VPS35L: variants seen among roughly 807,000 people sequenced by gnomAD.
The protein encoded by VPS35L is VPS35 endosomal protein sorting factor like.
In VPS35L, 83 loss-of-function variants were observed where a neutral mutation model predicts 133.0. The observed-to-expected ratio is 0.62, with a 90% CI of 0.52 to 0.75. The LOEUF (loss-of-function observed/expected upper bound fraction) is 0.75. Among genes scored for constraint, VPS35L ranks in the 30% least tolerant of loss-of-function variants. VPS35L has a pLI of 0.00. For synonymous variants in VPS35L, 423 were observed against 449.9 expected, an observed-to-expected ratio of 0.94 and a Z score of 0.76; for missense variants, 1,083 against 1,206.8, an observed-to-expected ratio of 0.90 and a Z score of 1.52.
chr16:19,578,492 G>A (rs1047219843), intron 5 of VPS35L: 18 of 359,480 alleles, frequency 5.0e-5, no homozygotes, highest in African/African-American at 8.6e-5. Context: ...GCTGGCCTGT[G>A]GCCTGGGGGC....
chr16:19,677,405 T>C (rs1266811418), intron 27 of VPS35L, among the ~76,000 whole-genome samples: 2 of 152,122 alleles, frequency 1.3e-5, no homozygotes, highest in Non-Finnish European at 2.9e-5. Context: ...TAATGAACCA[T>C]AGAGACCTCT....
chr16:19,615,659 C>CA (rs1199539692), intron 12 of VPS35L, among the ~76,000 whole-genome samples: 1 of 146,596 alleles, frequency 6.8e-6, no homozygotes, highest in African/African-American at 2.5e-5. Flanking sequence ...CAAAACAAAA[C>CA]AAAAAACAGA....
At chr16:19,555,829 T>A (rs1451767357) in intron 1 of VPS35L, 83 bp downstream of exon 1, 1 of 1,492,788 alleles carries the variant, frequency 6.7e-7, no homozygotes, top group African/African-American at 1.4e-5. Flanking sequence ...GAGTGTGAAT[T>A]CCTCTCTGTC....
chr16:19,656,633 T>G (rs1157067022), intron 26 of VPS35L, among the ~76,000 whole-genome samples: 1 of 151,896 alleles, frequency 6.6e-6, no homozygotes, highest in Non-Finnish European at 1.5e-5. Flanking sequence ...ACCTATCTGT[T>G]GAGTGTTAAA....
chr16:19,566,277 C>G (rs1249368827), intron 2 of VPS35L, among the ~76,000 whole-genome samples: 6 of 152,154 alleles, frequency 3.9e-5, no homozygotes, highest in Non-Finnish European at 7.3e-5. Context: ...GGGTGGATCA[C>G]CTGAGGTCAG....
At chr16:19,667,732 T>C (rs1974740979) in intron 26 of VPS35L, among the ~76,000 whole-genome samples, 1 of 139,280 alleles carries the variant, frequency 7.2e-6, no homozygotes, top group Non-Finnish European at 1.5e-5. Context: ...AGACCCTGTC[T>C]GGAAAAAAAA....
intron 28 of VPS35L, among the ~76,000 whole-genome samples, chr16:19,690,333 G>A (rs1009880677): frequency 6.6e-6 from 1 of 152,216 alleles, no homozygotes; most frequent in African/African-American, 2.4e-5. Flanking sequence ...GGGAAGGAGG[G>A]AGGGAGGAGG....
intron 22 of VPS35L, among the ~76,000 whole-genome samples, chr16:19,643,349 T>C (rs1973843148): frequency 6.6e-6 from 1 of 152,178 alleles, no homozygotes; most frequent in South Asian, 2.1e-4. Flanking sequence ...TTCTCTCTTG[T>C]TAAAATTGTG....
chr16:19,672,116 A>AT (rs1390683774), intron 27 of VPS35L, among the ~76,000 whole-genome samples: 1 of 151,442 alleles, frequency 6.6e-6, no homozygotes, highest in Non-Finnish European at 1.5e-5. Flanking sequence ...CGCCTGGCTA[A>AT]TTTTTTTTTA....
intron 12 of VPS35L, 191 bp downstream of exon 12, chr16:19,610,606 T>C (rs913955642): frequency 4.6e-6 from 2 of 431,866 alleles, no homozygotes. Flanking sequence ...AATTTTAAAG[T>C]AGACCAACTT....
chr16:19,609,533 T>C (rs1380717111), intron 11 of VPS35L, among the ~76,000 whole-genome samples: 1 of 152,176 alleles, frequency 6.6e-6, no homozygotes, highest in Non-Finnish European at 1.5e-5. Flanking sequence ...GTGGCTTAGG[T>C]CCATGCCACT....
intron 29 of VPS35L, among the ~76,000 whole-genome samples, chr16:19,691,677 G>T (rs376534566): frequency 9.2e-5 from 14 of 152,134 alleles, no homozygotes; most frequent in African/African-American, 3.4e-4. Context: ...TCCCCTGGCT[G>T]TTCCTTCTCG....
intron 28 of VPS35L, among the ~76,000 whole-genome samples, chr16:19,687,535 G>A (rs1975505146): frequency 6.6e-6 from 1 of 152,194 alleles, no homozygotes; most frequent in African/African-American, 2.4e-5. Context: ...CCAACCTGGT[G>A]TCAGACGAGC....
intron 27 of VPS35L, among the ~76,000 whole-genome samples, chr16:19,674,450 C>T (rs1974992350): frequency 6.6e-6 from 1 of 151,902 alleles, no homozygotes; most frequent in Admixed American, 6.6e-5. Context: ...CCTGCCTTGG[C>T]CTCCCAAAGT....
At chr16:19,681,242 A>G (rs887861155) in intron 27 of VPS35L, among the ~76,000 whole-genome samples, 3 of 125,828 alleles carry the variant, frequency 2.4e-5, no homozygotes, top group Admixed American at 7.6e-5. Context: ...AGGCAGCAGC[A>G]TATGCAGGGC....
intron 22 of VPS35L, among the ~76,000 whole-genome samples, 172 bp downstream of exon 22, chr16:19,642,648 G>A (rs1191038753): frequency 6.6e-6 from 1 of 152,208 alleles, no homozygotes; most frequent in African/African-American, 2.4e-5. Flanking sequence ...GGAGGCTGAG[G>A]TTAACCTTCT....
Position 19,629,790 on chromosome 16 carries a change from G to T in VPS35L, c.1524G>T (p.Val508=). 6.2e-7 allele frequency: 1 copy of T among 1,613,942 alleles called. No individual in the cohort carries two copies. Among genetic ancestry groups the T allele is most frequent in the Non-Finnish European group, 8.5e-7 (1 of 1,179,840 alleles). The change falls in exon 18 of 31, where the codon GTG becomes GTT. Residue 508 remains valine, a synonymous_variant. Coordinates refer to ENST00000417362, the MANE Select transcript of VPS35L (RefSeq NM_020314.7). ...NPQDYINCAE[V]WVEYTCKHFT... ...AGGACTACATTAATTGTGCCGAAGT[G>T]TGGGTGGAATACACCTGCAAGCATT...
At chr16:19,686,762 T>C (rs561308637) in intron 28 of VPS35L, among the ~76,000 whole-genome samples, 1 of 152,284 alleles carries the variant, frequency 6.6e-6, no homozygotes, top group South Asian at 2.1e-4. Flanking sequence ...CCACCAAGTG[T>C]CAGCATGGAA....
chr16:19,642,108 G>T (rs1049028043), intron 21 of VPS35L, among the ~76,000 whole-genome samples: 2 of 152,182 alleles, frequency 1.3e-5, no homozygotes, highest in African/African-American at 4.8e-5. Context: ...TACTTGGGAG[G>T]CTGAGGCAGG....
Sources: gnomAD v4.1 joint callset for allele counts (sites outside exome capture counted in the v4.1 genomes callset) on GRCh38, gnomAD v4.1.1 for gene constraint, MANE v1.5 for transcripts, NCBI Gene and HGNC (gene_info 2026-07-23, HGNC 2026-07-21) for gene names.